DLG2: variants seen among roughly 807,000 people sequenced by gnomAD.
DLG2 encodes the protein disks large homolog 2.
Under a neutral mutation model 132.5 loss-of-function variants are expected in DLG2, and 45 were observed. The observed-to-expected ratio is 0.34, with a 90% CI of 0.27 to 0.44. The LOEUF is 0.44. DLG2 is among the 20% of genes least tolerant of loss of function. The pLI is 1.00. For missense variants in DLG2, 1,045 were observed against 1,196.9 expected (o/e 0.87, Z 1.87); for synonymous variants, 424 against 419.6 (o/e 1.01, Z -0.13).
chr11:83,742,645 G>A (rs555219539), intron 18 of DLG2, among the ~76,000 whole-genome samples: 1 of 152,210 alleles, frequency 6.6e-6, no homozygotes, highest in Admixed American at 6.5e-5. Context: ...TTAACAGTAT[G>A]TACTTACTTT....
chr11:84,174,014 C>CTTTT lies in DLG2; in HGVS notation c.574-10507_574-10504dup, dbSNP rs11338428. Among the ~76,000 whole-genome samples the CTTTT allele has an allele frequency of 2.0e-4, 12 of 61,202 alleles. 3 individuals are homozygous for CTTTT. The highest frequency in any genetic ancestry group is 3.3e-4 in the African/African-American group (5 of 15,362). 40.2% of individuals were successfully genotyped at this position (61,202 alleles called of 152,430 possible). On this transcript the variant is annotated intron_variant, in intron 8 of 27. Transcript: ENST00000376104. ...CTGAGTTTTGACTTCACCCCCCGGC[C>CTTTT]TTTTTTTTTTTTTTTTTTTTTTCTG...
rs2099633989 is a variant in DLG2 at position 84,632,634 on chromosome 11, G to C, written c.358-97903C>G. Among the ~76,000 whole-genome samples, 5 of 152,308 alleles carry C rather than the reference G, an allele frequency of 3.3e-5. 1 individual carries two copies. The South Asian group carries it at 1.0e-3, about 32-fold the overall frequency. ...ACTTCCACTAAGTGAATCATGTCTA[G>C]CAGTGGAGACAGATGATTCAAGCAA... On this transcript the variant is annotated intron_variant, in intron 6 of 27. Coordinates refer to ENST00000376104, the MANE Select transcript of DLG2 (RefSeq NM_001142699.3).
intron 7 of DLG2, among the ~76,000 whole-genome samples, chr11:84,295,185 A>G (rs532208808): frequency 1.3e-5 from 2 of 152,318 alleles, no homozygotes; most frequent in Non-Finnish European, 2.9e-5. Context: ...TGGTCATGGT[A>G]TAAATTAAGG....
chr11:83,505,610 T>G (rs1383967489), intron 21 of DLG2, among the ~76,000 whole-genome samples: 1 of 152,220 alleles, frequency 6.6e-6, no homozygotes, highest in Non-Finnish European at 1.5e-5. Context: ...TTGTCACCAA[T>G]TTTCCAATCA....
chr11:84,924,738 G>A (rs182541688), intron 6 of DLG2, among the ~76,000 whole-genome samples: 127 of 152,128 alleles, frequency 8.3e-4, no homozygotes, highest in Admixed American at 1.5e-3. Flanking sequence ...GGAGATCCTT[G>A]GGCAACGTAA....
intron 11 of DLG2, among the ~76,000 whole-genome samples, chr11:84,016,332 T>A (rs2095184217): frequency 6.6e-6 from 1 of 152,140 alleles, no homozygotes; most frequent in Non-Finnish European, 1.5e-5. Context: ...GTAGGTTGTC[T>A]GTTTACTCTG....
intron 18 of DLG2, chr11:83,720,767 A>G (rs1212540316): frequency 3.8e-5 from 5 of 133,292 alleles, no homozygotes; most frequent in South Asian, 2.3e-4. Context: ...TTTAATTACC[A>G]GAGAGTAGGG....
At chr11:85,306,609 G>A (rs984856999) in intron 3 of DLG2, among the ~76,000 whole-genome samples, 6 of 151,966 alleles carry the variant, frequency 3.9e-5, no homozygotes, top group Non-Finnish European at 7.4e-5. Flanking sequence ...CTTGCTCTGT[G>A]GCCCAGGCTG....
intron 8 of DLG2, among the ~76,000 whole-genome samples, chr11:84,243,392 G>A (rs552579831): frequency 2.0e-4 from 29 of 141,928 alleles, no homozygotes; most frequent in African/African-American, 6.8e-4. Context: ...TGTTCAATTT[G>A]TTGAATAAAT....
chr11:84,244,186 C>CT (rs372526078), intron 8 of DLG2, among the ~76,000 whole-genome samples: 80 of 149,644 alleles, frequency 5.3e-4, no homozygotes, highest in South Asian at 1.1e-3. Flanking sequence ...ACTTCATTTT[C>CT]TTTTTTTTTT....
chr11:83,614,968 G>C (rs1372531631), intron 19 of DLG2, among the ~76,000 whole-genome samples: 1 of 152,200 alleles, frequency 6.6e-6, no homozygotes, highest in South Asian at 2.1e-4. Context: ...ATTCTGGATG[G>C]AGCTAGGGCA....
Position 83,815,765 on chromosome 11 carries a change from T to C in DLG2, c.1722+17849A>G, listed in dbSNP as rs540795719. 5.3e-5 allele frequency among the ~76,000 whole-genome samples: 8 copies of C among 152,322 alleles called. No homozygotes were observed. The South Asian group carries it at 1.5e-3, about 28-fold the overall frequency. ...CCAAGCAAGGCCATGCTTAGCTCCC[T>C]GCACACAGGCCTCATGGGGGCCTCT... is the stretch of plus-strand genomic sequence containing the variant. On this transcript the variant is annotated intron_variant, in intron 17 of 27. Coordinates refer to ENST00000376104, the MANE Select transcript of DLG2 (RefSeq NM_001142699.3).
chr11:83,801,605 A>G (rs564339086), intron 17 of DLG2, among the ~76,000 whole-genome samples: 1 of 152,182 alleles, frequency 6.6e-6, no homozygotes, highest in Admixed American at 6.5e-5. Flanking sequence ...AGCTTTTCTC[A>G]TCTTTGACAA....
chr11:84,574,085 C>T (rs796756563), intron 6 of DLG2, among the ~76,000 whole-genome samples: 4 of 152,230 alleles, frequency 2.6e-5, no homozygotes, highest in African/African-American at 9.6e-5. Context: ...TCCAGATGTC[C>T]TATCTTTCCA....
chr11:84,958,710 TG>T (rs2052066861), intron 6 of DLG2, among the ~76,000 whole-genome samples: 1 of 152,208 alleles, frequency 6.6e-6, no homozygotes, highest in Non-Finnish European at 1.5e-5. Flanking sequence ...TTCTGCTCGC[TG>T]TCCAATCCAA....
chr11:85,135,622 T>C (rs1034985921), intron 5 of DLG2, among the ~76,000 whole-genome samples: 1 of 152,222 alleles, frequency 6.6e-6, no homozygotes, highest in Non-Finnish European at 1.5e-5. Context: ...GGTTCTAGAA[T>C]ACCTTAGGCA....
intron 6 of DLG2, among the ~76,000 whole-genome samples, chr11:85,016,340 T>A (rs951407757): frequency 3.3e-4 from 51 of 152,294 alleles, no homozygotes; most frequent in African/African-American, 1.1e-3. Context: ...GGTTATTCAC[T>A]CCTTTTTCAA....
At chr11:84,441,300 T>C (rs1318527577) in intron 7 of DLG2, among the ~76,000 whole-genome samples, 1 of 151,978 alleles carries the variant, frequency 6.6e-6, no homozygotes, top group East Asian at 1.9e-4. Flanking sequence ...GCACATACCA[T>C]CATGCTTGGC....
At chr11:85,106,316 G>A (rs2071741255) in intron 6 of DLG2, among the ~76,000 whole-genome samples, 2 of 152,138 alleles carry the variant, frequency 1.3e-5, no homozygotes, top group South Asian at 4.1e-4. Context: ...GAAAATGGCT[G>A]AGAATATCAA....
Sources: allele counts gnomAD v4.1 joint callset (sites outside exome capture counted in the v4.1 genomes callset), GRCh38; gene constraint gnomAD v4.1.1; transcripts MANE v1.5; gene names NCBI Gene and HGNC (gene_info 2026-07-23, HGNC 2026-07-21).